PLA2R1: variants seen among roughly 807,000 people sequenced by gnomAD.
The protein encoded by PLA2R1 is phospholipase A2 receptor 1.
A neutral mutation model predicts 195.9 loss-of-function variants in PLA2R1; 158 were observed. The ratio of observed to expected loss-of-function variants is 0.81; its 90% CI spans 0.71 to 0.92. The LOEUF (loss-of-function observed/expected upper bound fraction) is 0.92, where lower values mean the gene tolerates loss of function less well. Among genes scored for constraint, PLA2R1 ranks in the 40% least tolerant of loss-of-function variants. The pLI is 0.00. For synonymous variants in PLA2R1, 586 were observed against 598.2 expected, an observed-to-expected ratio of 0.98 and a Z score of 0.30; for missense variants, 1,626 against 1,764.6, an observed-to-expected ratio of 0.92 and a Z score of 1.41.
Position 159,956,532 on chromosome 2 carries a change from GGCGACCAGGGTCCCCCCTTCTTCA to G in PLA2R1, c.2976_2999del (p.Glu993_Ala1000del). 1 of 1,610,504 alleles carries G rather than the reference GGCGACCAGGGTCCCCCCTTCTTCA, an allele frequency of 6.2e-7. No homozygotes were observed. The stretch of plus-strand genomic sequence containing the variant: ...TACCTTGCTCCACCTCACTTTCAAT[GGCGACCAGGGTCCCCCCTTCTTCA>G]GCACAGAAATGTTGAGCATGCGTCC... On this transcript the variant is annotated inframe_deletion, in exon 21 of 30. Transcript: ENST00000283243.
At chr2:160,031,048 T>G (rs1693820693) in intron 4 of PLA2R1, among the ~76,000 whole-genome samples, 1 of 152,232 alleles carries the variant, frequency 6.6e-6, no homozygotes, top group Non-Finnish European at 1.5e-5. Context: ...AATTGATGTT[T>G]TCCTGCACTA....
chr2:160,035,299 G>C (rs1243140630), intron 3 of PLA2R1, among the ~76,000 whole-genome samples: 1 of 152,178 alleles, frequency 6.6e-6, no homozygotes, highest in African/African-American at 2.4e-5. Context: ...TGAAAATGTT[G>C]TCATAGACAC....
chr2:159,946,620 A>G, intron 27 of PLA2R1, 181 bp downstream of exon 27: 3 of 1,309,194 alleles, frequency 2.3e-6, no homozygotes, highest in Non-Finnish European at 2.9e-6. Flanking sequence ...ATTATTTTAA[A>G]AGACAAAAGG....
chr2:159,959,762 T>C (rs764329346), intron 20 of PLA2R1, among the ~76,000 whole-genome samples: 1 of 152,030 alleles, frequency 6.6e-6, no homozygotes, highest in African/African-American at 2.4e-5. Flanking sequence ...CTCAGAGGCA[T>C]CCTTACCTTC....
intron 18 of PLA2R1, 75 bp downstream of exon 18, chr2:159,970,073 C>T (rs78639471): frequency 1.4e-5 from 14 of 976,706 alleles, no homozygotes; most frequent in African/African-American, 3.3e-5. Flanking sequence ...AAATTGATCA[C>T]TAAAATTGAA....
At chr2:160,044,326 A>G (rs1359244437) in intron 2 of PLA2R1, among the ~76,000 whole-genome samples, 1 of 152,200 alleles carries the variant, frequency 6.6e-6, no homozygotes, top group Admixed American at 6.5e-5. Context: ...ATCAGGAGGC[A>G]TTGGAGGTGT....
At chr2:159,958,634 C>G (rs191384164) in intron 20 of PLA2R1, among the ~76,000 whole-genome samples, 4 of 152,240 alleles carry the variant, frequency 2.6e-5, no homozygotes, top group African/African-American at 9.6e-5. Flanking sequence ...TAAAAGACAA[C>G]AGACCCTAAA....
chr2:159,948,645 A>C (rs1687542185), intron 25 of PLA2R1, among the ~76,000 whole-genome samples: 1 of 146,736 alleles, frequency 6.8e-6, no homozygotes, highest in Admixed American at 6.7e-5. Flanking sequence ...GTGCTAACAA[A>C]AAAAAAAAAA....
intron 1 of PLA2R1, among the ~76,000 whole-genome samples, chr2:160,054,613 C>T (rs2105690015): frequency 6.6e-6 from 1 of 152,304 alleles, no homozygotes; most frequent in East Asian, 1.9e-4. Flanking sequence ...GTGGCTATGA[C>T]TTTTCTGTCT....
intron 10 of PLA2R1, among the ~76,000 whole-genome samples, chr2:160,008,758 G>A (rs1403407688): frequency 6.6e-6 from 1 of 152,074 alleles, no homozygotes; most frequent in Non-Finnish European, 1.5e-5. Context: ...GAATGAAAAG[G>A]CAACCCACAA....
rs548980121 is a variant in PLA2R1 at position 159,933,345 on chromosome 2, G to T, written c.*8433C>A. The T allele has an allele frequency of 6.6e-6, 1 of 152,212 alleles. No individual in the cohort carries two copies. The highest frequency in any genetic ancestry group is 1.9e-4 in the East Asian group (1 of 5,180). The allele number at this position is 152,212 out of a possible 1,614,324, so 9.4% of individuals were successfully genotyped here. ...TTTAAATCCAGAATTTCAGATTTAG[G>T]CACATTTTAAACTTTTTCTCTAAAA... On this transcript the variant is annotated 3_prime_UTR_variant, in exon 30 of 30. Transcript: ENST00000283243.
At position 159,955,683 on chromosome 2, in the gene PLA2R1, A is replaced by T. The variant is rs745470068; in HGVS notation, c.3153+15T>A. On this transcript the variant is annotated intron_variant, in intron 22 of 29. Transcript: ENST00000283243. ...TTGCCAAAGTGATCTCCAAAAAATA[A>T]ATCTTAAAACTTACATTTATTATAT... is the stretch of plus-strand genomic sequence containing the variant. 1 of 1,352,508 alleles carries T rather than the reference A, an allele frequency of 7.4e-7. No homozygotes were observed. The highest frequency in any genetic ancestry group is 9.8e-7 in the Non-Finnish European group (1 of 1,020,122). 83.8% of individuals were successfully genotyped at this position (1,352,508 alleles called of 1,614,324 possible). A position where few individuals can be genotyped will look rare whatever the true frequency, so the allele number is the denominator to read the frequency against.
At chr2:160,000,709 A>C (rs1250315057) in intron 11 of PLA2R1, among the ~76,000 whole-genome samples, 2 of 152,156 alleles carry the variant, frequency 1.3e-5, no homozygotes, top group Non-Finnish European at 2.9e-5. Flanking sequence ...ACTACAAAGA[A>C]CCACAAACCA....
At chr2:159,995,413 TTAA>T (rs1206857486) in intron 11 of PLA2R1, among the ~76,000 whole-genome samples, 4 of 152,066 alleles carry the variant, frequency 2.6e-5, no homozygotes, top group African/African-American at 9.7e-5. Flanking sequence ...CCCAAGAAAC[TTAA>T]TATTAAAAAC....
At chr2:160,012,528 A>C (rs1692429969) in intron 10 of PLA2R1, among the ~76,000 whole-genome samples, 1 of 152,234 alleles carries the variant, frequency 6.6e-6, no homozygotes, top group Admixed American at 6.5e-5. Flanking sequence ...GTGATGGTGA[A>C]GGATTTGAAT....
intron 21 of PLA2R1, 35 bp downstream of exon 21, chr2:159,956,475 G>T (rs1379377722): frequency 3.8e-6 from 4 of 1,066,008 alleles, no homozygotes; most frequent in Non-Finnish European, 1.5e-6. Context: ...AATAAAAATG[G>T]TTATCTTGGC....
intron 7 of PLA2R1, among the ~76,000 whole-genome samples, chr2:160,021,615 G>A (rs1693126001): frequency 6.6e-6 from 1 of 152,120 alleles, no homozygotes; most frequent in Non-Finnish European, 1.5e-5. Context: ...AAAAAACACT[G>A]GAGATTCCAA....
chr2:160,053,810 T>C (rs1254008640), intron 1 of PLA2R1, among the ~76,000 whole-genome samples: 2 of 152,224 alleles, frequency 1.3e-5, no homozygotes, highest in African/African-American at 4.8e-5. Context: ...CCAGGCAGAA[T>C]TGAACAGAGG....
At chr2:159,969,438 G>A (rs1407182173) in intron 18 of PLA2R1, 79 bp from the exon 19 acceptor site, 1 of 758,920 alleles carries the variant, frequency 1.3e-6, no homozygotes, top group African/African-American at 1.8e-5. Flanking sequence ...GAGTTCTGAG[G>A]TAGGGATTGA....
Sources: gnomAD v4.1 joint callset for allele counts (sites outside exome capture counted in the v4.1 genomes callset) on GRCh38, gnomAD v4.1.1 for gene constraint, MANE v1.5 for transcripts, NCBI Gene and HGNC (gene_info 2026-07-23, HGNC 2026-07-21) for gene names.